Variants in SORBS2 observed in about 807,000 individuals in gnomAD.
SORBS2 encodes sorbin and SH3 domain-containing protein 2.
A neutral mutation model predicts 97.7 loss-of-function variants in SORBS2; 46 were observed. That is an observed-to-expected ratio of 0.47 (90% confidence interval 0.37 to 0.60). The LOEUF (loss-of-function observed/expected upper bound fraction) is 0.60, where lower values mean the gene tolerates loss of function less well. Ranked by LOEUF, SORBS2 falls within the 20% of genes least tolerant of loss-of-function variation. The probability of loss-of-function intolerance (pLI) is 0.00; values close to 1 mark genes in which losing one functional copy is unlikely to be tolerated. For synonymous variants in SORBS2, 476 were observed against 473.4 expected (o/e 1.01, Z -0.07); for missense variants, 1,316 against 1,282.3 (o/e 1.03, Z -0.40).
At chr4:185,676,334 G>C (rs770852960) in intron 4 of SORBS2, among the ~76,000 whole-genome samples, 2 of 152,150 alleles carry the variant, frequency 1.3e-5, no homozygotes, top group African/African-American at 4.8e-5. Context: ...TTGTTCTATG[G>C]AGAAGTCAAA....
intron 2 of SORBS2, among the ~76,000 whole-genome samples, chr4:185,686,189 C>T (rs2097955283): frequency 6.6e-6 from 1 of 151,754 alleles, no homozygotes; most frequent in South Asian, 2.1e-4. Flanking sequence ...TTCCATTTTT[C>T]CTTTTTCTTT....
Position 185,623,294 on chromosome 4 carries a change from C to A in SORBS2, c.1835G>T (p.Arg612Met). 6.2e-7 allele frequency: 1 copy of A among 1,613,902 alleles called. No individual in the cohort carries two copies. Among genetic ancestry groups the A allele is most frequent in the East Asian group, 2.2e-5 (1 of 44,884 alleles). The stretch of plus-strand genomic sequence containing the variant: ...TTTCTTAGGAGCCGAATTTTTTTTC[C>A]TCCGGAAAGGCACAGGACTGACTAG... The change falls in exon 7 of 15, where the codon AGG becomes ATG. Residue 612 changes from arginine (R) to methionine (M), a missense_variant. Physicochemically the swap from Arg to Met is moderately conservative, Grantham distance 91. Transcript: ENST00000418609. This position sits in a 1 kb window ranked among gnomAD's most constrained non-coding sequence, Gnocchi z 6.4.
chr4:185,762,126 T>C (rs145827998), intron 2 of SORBS2, among the ~76,000 whole-genome samples: 1 of 152,320 alleles, frequency 6.6e-6, no homozygotes, highest in East Asian at 1.9e-4. Flanking sequence ...AGGAGTGATA[T>C]TGAAGACGTG....
At chr4:185,810,622 G>A (rs946758064) in intron 1 of SORBS2, 4 of 152,190 alleles carry the variant, frequency 2.6e-5, no homozygotes, top group African/African-American at 4.8e-5. Context: ...AAGCTGAAAT[G>A]TTGCTGAACC....
At chr4:185,587,500 A>G in exon 15 of SORBS2, 1 of 740,660 alleles carries the variant, frequency 1.4e-6, no homozygotes, top group Non-Finnish European at 2.3e-6. Flanking sequence ...GTTTGGTGGC[A>G]GGTGGAGATG....
At chr4:185,829,640 A>T (rs2099204063) in intron 1 of SORBS2, among the ~76,000 whole-genome samples, 1 of 152,188 alleles carries the variant, frequency 6.6e-6, no homozygotes, top group Admixed American at 6.5e-5. Flanking sequence ...ATCTCTCCAG[A>T]AGGTAGAAGA....
At chr4:185,644,112 A>C (rs912612563) in intron 4 of SORBS2, among the ~76,000 whole-genome samples, 2 of 152,208 alleles carry the variant, frequency 1.3e-5, no homozygotes, top group African/African-American at 4.8e-5. Flanking sequence ...CATGTCCCAT[A>C]TGGCCAGCTC....
intron 1 of SORBS2, among the ~76,000 whole-genome samples, chr4:185,875,847 T>C (rs1198483850): frequency 1.6e-4 from 25 of 152,246 alleles, no homozygotes; most frequent in Non-Finnish European, 1.5e-5. Flanking sequence ...CTTGGTGTTT[T>C]TTCAGGTAAT....
At chr4:185,882,570 G>T (rs2099237409) in intron 1 of SORBS2, among the ~76,000 whole-genome samples, 1 of 152,112 alleles carries the variant, frequency 6.6e-6, no homozygotes, top group African/African-American at 2.4e-5. Flanking sequence ...CATTCTTTTT[G>T]TAAATATCGG....
At chr4:185,798,812 T>C (rs2099117661) in intron 1 of SORBS2, among the ~76,000 whole-genome samples, 1 of 152,294 alleles carries the variant, frequency 6.6e-6, no homozygotes, top group South Asian at 2.1e-4. Context: ...CCAGCAAAGA[T>C]ATAAAGTTCT....
At chr4:185,610,042 T>TA (rs2096508346) in intron 12 of SORBS2, among the ~76,000 whole-genome samples, 1 of 152,238 alleles carries the variant, frequency 6.6e-6, no homozygotes, top group South Asian at 2.1e-4. Flanking sequence ...TGCCTCTGTT[T>TA]AAAATCTGGT....
At chr4:185,792,761 A>G (rs1278284454) in intron 1 of SORBS2, among the ~76,000 whole-genome samples, 1 of 152,224 alleles carries the variant, frequency 6.6e-6, no homozygotes, top group Non-Finnish European at 1.5e-5. Flanking sequence ...TGAGCAAAAA[A>G]TACAGAGAGA....
At chr4:185,929,804 G>A (rs1382738030) in intron 1 of SORBS2, among the ~76,000 whole-genome samples, 1 of 152,106 alleles carries the variant, frequency 6.6e-6, no homozygotes, top group Non-Finnish European at 1.5e-5. Context: ...AAAGTGCTGG[G>A]ATTACAGGCA....
At chr4:185,728,427 T>C (rs542919043) in intron 2 of SORBS2, among the ~76,000 whole-genome samples, 1 of 152,358 alleles carries the variant, frequency 6.6e-6, no homozygotes, top group East Asian at 1.9e-4. Flanking sequence ...CATCTAGCTC[T>C]AGTAATCTTG....
At chr4:185,808,423 C>T (rs2153664650) in intron 1 of SORBS2, among the ~76,000 whole-genome samples, 1 of 152,218 alleles carries the variant, frequency 6.6e-6, no homozygotes, top group East Asian at 1.9e-4. Flanking sequence ...CTTAATAAAA[C>T]TATGGGTACA....
chr4:185,866,973 T>C (rs956027083), intron 1 of SORBS2, among the ~76,000 whole-genome samples: 9 of 152,172 alleles, frequency 5.9e-5, no homozygotes, highest in Non-Finnish European at 1.3e-4. Flanking sequence ...TAACGCAATG[T>C]ATACTAAAAT....
intron 1 of SORBS2, among the ~76,000 whole-genome samples, chr4:185,898,050 A>G (rs1015764034): frequency 1.9e-4 from 29 of 152,232 alleles, no homozygotes; most frequent in African/African-American, 6.5e-4. Flanking sequence ...CAAACAAAAA[A>G]GCTCAGGAGT....
chr4:185,895,385 G>GTC (rs2099244511), intron 1 of SORBS2, among the ~76,000 whole-genome samples: 3 of 152,330 alleles, frequency 2.0e-5, no homozygotes, highest in African/African-American at 7.2e-5. Context: ...GTCTTCCCTT[G>GTC]TCCTCATAAC....
intron 1 of SORBS2, among the ~76,000 whole-genome samples, chr4:185,777,599 C>T (rs939786466): frequency 2.1e-4 from 32 of 152,122 alleles, no homozygotes; most frequent in African/African-American, 7.7e-4. Flanking sequence ...ACAGAAAATG[C>T]TTACCTGGGT....
Sources: gnomAD v4.1 joint callset for allele counts (sites outside exome capture counted in the v4.1 genomes callset) on GRCh38, gnomAD v4.1.1 for gene constraint, Gnocchi (gnomAD v3.1) non-coding constraint, MANE v1.5 for transcripts, NCBI Gene and HGNC (gene_info 2026-07-23, HGNC 2026-07-21) for gene names.